SMG1: variants seen among roughly 807,000 people sequenced by gnomAD.
The protein encoded by SMG1 is SMG1 nonsense mediated mRNA decay associated PI3K related kinase.
Under a neutral mutation model 419.9 loss-of-function variants are expected in SMG1, and 22 were observed. The ratio of observed to expected loss-of-function variants is 0.05; its 90% CI spans 0.04 to 0.07. The LOEUF is 0.07. Ranked by LOEUF, SMG1 falls within the 10% of genes least tolerant of loss-of-function variation. SMG1 has a pLI of 1.00. For missense variants in SMG1, 3,185 were observed against 4,342.0 expected (o/e 0.73, Z 7.49); for synonymous variants, 1,538 against 1,553.5 (o/e 0.99, Z 0.23).
In SMG1 at chr16:18,869,426, TATGAA is replaced by T. The variant is rs376390674; in HGVS notation, c.2634-128_2634-124del. 2.8e-5 allele frequency: 22 copies of T among 791,854 alleles called. No individual in the cohort carries two copies. In the African/African-American group the frequency reaches 3.3e-4, roughly 12 times the overall value. The allele number at this position is 791,854 out of a possible 1,614,324, so 49.1% of individuals were successfully genotyped here. On this transcript the variant is annotated intron_variant, in intron 19 of 62. Transcript: ENST00000446231. ...TCCCTACTCCAAAAAAGGCAAAACC[TATGAA>T]ATTGAGAAGCATTGTGTCCCCCCTC...
intron 55 of SMG1, among the ~76,000 whole-genome samples, chr16:18,826,793 C>T (rs1262975028): frequency 6.8e-5 from 2 of 29,622 alleles, no homozygotes; most frequent in Non-Finnish European, 1.6e-4. Flanking sequence ...CCACCCAGTT[C>T]GAGCTTCCCG....
chr16:18,895,811 G>C (rs1266903280), intron 3 of SMG1, among the ~76,000 whole-genome samples: 1 of 152,066 alleles, frequency 6.6e-6, no homozygotes. Flanking sequence ...CAATATCCAC[G>C]ATAATTGGGT....
chr16:18,891,150 T>C (rs2036857790), intron 4 of SMG1, among the ~76,000 whole-genome samples: 2 of 152,166 alleles, frequency 1.3e-5, no homozygotes, highest in South Asian at 2.1e-4. Flanking sequence ...AACAAAAAAA[T>C]AAACTCAAAA....
chr16:18,884,490 A>C (rs2141737065), intron 8 of SMG1, among the ~76,000 whole-genome samples: 1 of 152,306 alleles, frequency 6.6e-6, no homozygotes, highest in Non-Finnish European at 1.5e-5. Flanking sequence ...TGGCCCAGCT[A>C]ATCCCAGGGC....
intron 23 of SMG1, among the ~76,000 whole-genome samples, chr16:18,864,888 G>C (rs1190419796): frequency 1.3e-5 from 2 of 152,170 alleles, no homozygotes. Flanking sequence ...GGGGAGGTTT[G>C]ATGTCTTCCT....
At chr16:18,883,182 G>A (rs1433456889) in intron 9 of SMG1, among the ~76,000 whole-genome samples, 1 of 152,210 alleles carries the variant, frequency 6.6e-6, no homozygotes, top group African/African-American at 2.4e-5. Context: ...TTGATTGGTT[G>A]ATCTGAATAG....
At chr16:18,840,060 T>G in intron 41 of SMG1, 114 bp from the exon 42 acceptor site, 1 of 784,442 alleles carries the variant, frequency 1.3e-6, no homozygotes, top group South Asian at 1.9e-5. Context: ...TAGCATTCTC[T>G]CATTACTCAA....
Position 18,809,490 on chromosome 16 carries a change from G to T in SMG1, c.*79C>A. The T allele has an allele frequency of 1.8e-6, 2 of 1,085,590 alleles. No homozygotes were observed. Among genetic ancestry groups the T allele is most frequent in the Non-Finnish European group, 1.4e-6 (1 of 717,566 alleles). The allele number at this position is 1,085,590 out of a possible 1,614,324, so 67.2% of individuals were successfully genotyped here. A position where few individuals can be genotyped will look rare whatever the true frequency, so the allele number is the denominator to read the frequency against. On this transcript the variant is annotated 3_prime_UTR_variant, in exon 63 of 63. Transcript: ENST00000446231. Reference sequence around the variant, plus strand: ...GTTGCATCACCACCGACTGTGGTGTGGCTTTGGATGCCTGAGGCTGAGTTG... The same window carrying T: ...GTTGCATCACCACCGACTGTGGTGTTGCTTTGGATGCCTGAGGCTGAGTTG...
intron 55 of SMG1, among the ~76,000 whole-genome samples, chr16:18,820,194 G>A (rs886488784): frequency 1.3e-5 from 2 of 151,998 alleles, no homozygotes; most frequent in Admixed American, 1.3e-4. Flanking sequence ...TTGAACTCCT[G>A]ACCTCATGAT....
At chr16:18,922,773 C>T (rs939298455) in intron 1 of SMG1, among the ~76,000 whole-genome samples, 4 of 152,006 alleles carry the variant, frequency 2.6e-5, no homozygotes, top group Admixed American at 6.5e-5. Flanking sequence ...AGCCACTGCC[C>T]CCGGCCTGCT....
chr16:18,913,903 C>T (rs55904810), intron 1 of SMG1, among the ~76,000 whole-genome samples: 46,917 of 151,922 alleles, frequency 0.31, 8,036 homozygotes, highest in Non-Finnish European at 0.39. Flanking sequence ...AGGTGGTTTA[C>T]GCCTGTAATC....
chr16:18,817,111 T>G (rs2032071130), intron 57 of SMG1, among the ~76,000 whole-genome samples, 180 bp downstream of exon 57: 1 of 13,220 alleles, frequency 7.6e-5, no homozygotes, highest in Non-Finnish European at 3.0e-4. Flanking sequence ...TATAATATGT[T>G]TCGGGGCGGG....
intron 1 of SMG1, among the ~76,000 whole-genome samples, chr16:18,900,688 T>G (rs1177633957): frequency 1.3e-5 from 2 of 152,198 alleles, no homozygotes; most frequent in Non-Finnish European, 2.9e-5. Context: ...TAATTTATAA[T>G]GGATATAAAC....
rs1298871348 is a variant in SMG1 at position 18,882,314 on chromosome 16, C to G, written c.1144G>C (p.Glu382Gln). The change falls in exon 10 of 63, where the codon GAA (glutamate) becomes CAA (glutamine). Residue 382 changes from glutamate (E) to glutamine (Q), a missense_variant. Around this residue, in one of 27 missense-constraint regions of SMG1, gnomAD observed 52 missense variants for 69.0 expected, o/e 0.75. Transcript: ENST00000446231. Reference protein sequence around the residue: ...AEDLSHVASGESVDEDVPPPS... With the variant: ...AEDLSHVASGQSVDEDVPPPS... ...GGAGGGACATCTTCATCCACTGATT[C>G]CCCAGAGGCCACATGGCTGAGGTCC... 6.2e-7 allele frequency: 1 copy of G among 1,607,856 alleles called. No individual in the cohort carries two copies. The highest frequency in any genetic ancestry group is 1.7e-5 in the Admixed American group (1 of 59,254).
chr16:18,882,196 C>G lies in SMG1; in HGVS notation c.1262G>C (p.Gly421Ala), dbSNP rs1443538263. 3 of 1,587,058 alleles carry G rather than the reference C, an allele frequency of 1.9e-6. No homozygotes were observed. Among genetic ancestry groups the G allele is most frequent in the Non-Finnish European group, 1.7e-6 (2 of 1,168,204 alleles). Residue 421 changes from glycine to alanine, a missense_variant, in exon 10 of 63, where the codon GGT (glycine) becomes GCT (alanine). This residue lies in a region of SMG1 where 52 missense variants were observed against 69.0 expected (regional missense o/e 0.75). Transcript: ENST00000446231. ...SIGERFSPIR[G>A]PPITEAYVTD... is the part of the protein sequence containing the mutation. The stretch of plus-strand genomic sequence containing the variant: ...TACATATGCCTCAGTAATTGGAGGA[C>G]CCCGAATTGGGCTGAAGCGTTCCCC...
chr16:18,862,333 G>T (rs915847194), intron 25 of SMG1, among the ~76,000 whole-genome samples: 9 of 152,122 alleles, frequency 5.9e-5, no homozygotes, highest in South Asian at 4.1e-4. Context: ...ACCCAGGCCT[G>T]CCTTTCTCTT....
At chr16:18,867,384 C>T (rs2035569900) in intron 22 of SMG1, among the ~76,000 whole-genome samples, 2 of 151,764 alleles carry the variant, frequency 1.3e-5, no homozygotes, top group Non-Finnish European at 2.9e-5. Flanking sequence ...AAATACAAAA[C>T]TTAGCCGAGT....
At chr16:18,852,683 A>G (rs1294137457) in intron 31 of SMG1, among the ~76,000 whole-genome samples, 3 of 152,250 alleles carry the variant, frequency 2.0e-5, no homozygotes, top group Non-Finnish European at 4.4e-5. Context: ...AAGTAAGATT[A>G]TATTATCTCC....
At chr16:18,916,932 G>A (rs1340127056) in intron 1 of SMG1, among the ~76,000 whole-genome samples, 1 of 152,030 alleles carries the variant, frequency 6.6e-6, no homozygotes, top group Non-Finnish European at 1.5e-5. Flanking sequence ...CTAAAGAATT[G>A]TAACAATTCA....
Sources: gnomAD v4.1 joint callset for allele counts (sites outside exome capture counted in the v4.1 genomes callset) on GRCh38, gnomAD v4.1.1 for gene constraint, gnomAD v4.1.1 regional missense constraint, MANE v1.5 for transcripts, NCBI Gene and HGNC (gene_info 2026-07-23, HGNC 2026-07-21) for gene names.